Variants in PRKG1 observed in about 807,000 individuals in gnomAD.
The protein encoded by PRKG1 is protein kinase cGMP-dependent 1.
Under a neutral mutation model 88.1 loss-of-function variants are expected in PRKG1, and 35 were observed. The ratio of observed to expected loss-of-function variants is 0.40; its 90% CI spans 0.30 to 0.53. The LOEUF (loss-of-function observed/expected upper bound fraction) is 0.53, where lower values mean the gene tolerates loss of function less well. PRKG1 is among the 20% of genes least tolerant of loss of function. PRKG1 has a pLI of 0.59. For synonymous variants in PRKG1, 303 were observed against 292.5 expected, an observed-to-expected ratio of 1.04 and a Z score of -0.37; for missense variants, 540 against 839.8, an observed-to-expected ratio of 0.64 and a Z score of 4.41.
chr10:51,349,808 T>G (rs117731358), intron 2 of PRKG1, among the ~76,000 whole-genome samples: 2 of 152,242 alleles, frequency 1.3e-5, no homozygotes, highest in Non-Finnish European at 2.9e-5. Context: ...ACAGATACCA[T>G]GTATGTGTAT....
rs1314667256 is a variant in PRKG1 at position 51,886,061 on chromosome 10, T to C, written c.699-21446T>C. Among the ~76,000 whole-genome samples, 3 of 152,192 alleles carry C rather than the reference T, an allele frequency of 2.0e-5. No homozygotes were observed. The East Asian group carries it at 5.8e-4, about 29-fold the overall frequency. The stretch of plus-strand genomic sequence containing the variant: ...TGTTTTTAGAAATGGAGTCTTACTC[T>C]GTCACCCAGGCTGGACTGCAATGAC... On this transcript the variant is annotated intron_variant, in intron 4 of 17. Transcript: ENST00000373980.
chr10:51,279,204 T>C (rs930533802), intron 2 of PRKG1, among the ~76,000 whole-genome samples: 1 of 152,196 alleles, frequency 6.6e-6, no homozygotes, highest in African/African-American at 2.4e-5. Flanking sequence ...GCCTTCATTT[T>C]GTTATGTACC....
At chr10:51,837,387 T>C (rs913709440) in intron 4 of PRKG1, among the ~76,000 whole-genome samples, 5 of 152,210 alleles carry the variant, frequency 3.3e-5, no homozygotes, top group African/African-American at 1.2e-4. Flanking sequence ...AGCAGAATTT[T>C]ACTAGTTTCA....
At chr10:52,054,142 A>T (rs1221999430) in intron 5 of PRKG1, among the ~76,000 whole-genome samples, 1 of 152,210 alleles carries the variant, frequency 6.6e-6, no homozygotes, top group African/African-American at 2.4e-5. Flanking sequence ...GTATGATGTA[A>T]TCACCTAGAA....
chr10:51,509,387 T>C (rs1196078839), intron 3 of PRKG1, among the ~76,000 whole-genome samples: 2 of 152,228 alleles, frequency 1.3e-5, no homozygotes, highest in Non-Finnish European at 2.9e-5. Flanking sequence ...GTCTCAATTT[T>C]ATCACTTAAG....
intron 9 of PRKG1, among the ~76,000 whole-genome samples, chr10:52,217,932 A>G (rs541351269): frequency 1.3e-5 from 2 of 152,212 alleles, no homozygotes; most frequent in African/African-American, 4.8e-5. Context: ...AATAGCTTAC[A>G]GCTGGGAGCC....
At chr10:51,487,790 T>TA (rs1840591690) in intron 3 of PRKG1, among the ~76,000 whole-genome samples, 1 of 152,162 alleles carries the variant, frequency 6.6e-6, no homozygotes, top group Admixed American at 6.6e-5. Flanking sequence ...CAGATAAAAG[T>TA]ACTGCAATTG....
At chr10:51,447,886 C>T (rs565672741) in intron 2 of PRKG1, among the ~76,000 whole-genome samples, 4 of 152,184 alleles carry the variant, frequency 2.6e-5, no homozygotes, top group African/African-American at 9.6e-5. Flanking sequence ...TCATCTAGCA[C>T]ATGACCATAA....
intron 9 of PRKG1, among the ~76,000 whole-genome samples, chr10:52,173,791 G>T (rs1175150450): frequency 6.6e-6 from 1 of 152,122 alleles, no homozygotes; most frequent in Non-Finnish European, 1.5e-5. Context: ...AGAAAACCTA[G>T]ATACATTACT....
chr10:51,036,959 T>C (rs892064307), intron 1 of PRKG1, among the ~76,000 whole-genome samples: 1 of 152,204 alleles, frequency 6.6e-6, no homozygotes, highest in African/African-American at 2.4e-5. Flanking sequence ...TCTGGTTAAA[T>C]GAGGAAATGA....
intron 3 of PRKG1, among the ~76,000 whole-genome samples, chr10:51,493,252 CA>C (rs1227560527): frequency 2.0e-5 from 3 of 152,034 alleles, no homozygotes; most frequent in African/African-American, 7.2e-5. Context: ...TTCCAAAATA[CA>C]AAAAATATGC....
In PRKG1 at chr10:51,957,107, C is replaced by T. The variant is rs1029886513; in HGVS notation, c.762+49537C>T. Among the ~76,000 whole-genome samples the T allele has an allele frequency of 4.3e-5, 5 of 117,402 alleles. No homozygotes were observed. The South Asian group carries it at 9.9e-4, about 23-fold the overall frequency. The allele number at this position is 117,402 out of a possible 152,430, so 77.0% of individuals were successfully genotyped here. On this transcript the variant is annotated intron_variant, in intron 5 of 17. Transcript: ENST00000373980. Reference sequence around the variant, plus strand: ...CTCCTTCTGTCTTTTCTTTCTCTCTCTCTTTCTTTCTTTCCTGCTTTCTTT... The same window carrying T: ...CTCCTTCTGTCTTTTCTTTCTCTCTTTCTTTCTTTCTTTCCTGCTTTCTTT...
intron 10 of PRKG1, among the ~76,000 whole-genome samples, chr10:52,268,290 G>A (rs1841627918): frequency 6.6e-6 from 1 of 152,062 alleles, no homozygotes; most frequent in Non-Finnish European, 1.5e-5. Flanking sequence ...TTTTAAATTG[G>A]CAACTAGTAA....
intron 1 of PRKG1, among the ~76,000 whole-genome samples, chr10:51,129,961 A>T (rs761371367): frequency 2.2e-4 from 33 of 152,120 alleles, no homozygotes; most frequent in Admixed American, 5.9e-4. Flanking sequence ...AGAGAGACCT[A>T]GTCTCATTGG....
intron 3 of PRKG1, among the ~76,000 whole-genome samples, chr10:51,665,313 A>G (rs781468756): frequency 2.3e-4 from 35 of 152,218 alleles, no homozygotes; most frequent in Non-Finnish European, 4.1e-4. Flanking sequence ...AAATGATTTC[A>G]TTATGTGTCA....
chr10:51,693,695 C>G (rs1250843835), intron 3 of PRKG1, among the ~76,000 whole-genome samples: 1 of 152,060 alleles, frequency 6.6e-6, no homozygotes, highest in Non-Finnish European at 1.5e-5. Flanking sequence ...AGCCACCATG[C>G]CCGACTCCCA....
In PRKG1 at chr10:51,289,859, C is replaced by G. The variant is rs143917794; in HGVS notation, c.478+136529C>G. Among the ~76,000 whole-genome samples the G allele has an allele frequency of 1.1e-3, 171 of 152,198 alleles. 1 individual carries two copies. Among genetic ancestry groups the G allele is most frequent in the African/African-American group, 3.9e-3 (162 of 41,540 alleles). On this transcript the variant is annotated intron_variant, in intron 2 of 17. Coordinates refer to ENST00000373980, the MANE Select transcript of PRKG1 (RefSeq NM_006258.4). ...ACAAGTCTAGATGGCCTTAAGGGTGCTTTAACTTCGAGACTGCATTTCACT... is the reference window on the plus strand; with the variant it reads ...ACAAGTCTAGATGGCCTTAAGGGTGGTTTAACTTCGAGACTGCATTTCACT...
chr10:52,035,381 G>A (rs1218654064), intron 5 of PRKG1, among the ~76,000 whole-genome samples: 1 of 152,134 alleles, frequency 6.6e-6, no homozygotes, highest in African/African-American at 2.4e-5. Context: ...ACACTGAGAA[G>A]TTATTTCCTT....
intron 5 of PRKG1, among the ~76,000 whole-genome samples, chr10:51,929,346 C>CTTTTTTTTTTTTTTT (rs67175480): frequency 9.1e-6 from 1 of 109,670 alleles, no homozygotes; most frequent in Non-Finnish European, 1.8e-5. Flanking sequence ...GAATTCCTTC[C>CTTTTTTTTTTTTTTT]TTTTTTTTTT....
Sources: allele counts gnomAD v4.1 joint callset (sites outside exome capture counted in the v4.1 genomes callset), GRCh38; gene constraint gnomAD v4.1.1; transcripts MANE v1.5; gene names NCBI Gene and HGNC (gene_info 2026-07-23, HGNC 2026-07-21).